Variants in POLR2B observed in about 807,000 individuals in gnomAD.
POLR2B encodes the protein RNA polymerase II subunit B, also known as DNA-directed RNA polymerase II subunit RPB2.
A neutral mutation model predicts 144.6 loss-of-function variants in POLR2B; 57 were observed. That is an observed-to-expected ratio of 0.39 (90% confidence interval 0.32 to 0.49). The LOEUF is 0.49. Among genes scored for constraint, POLR2B ranks in the 20% least tolerant of loss-of-function variants. POLR2B has a pLI of 0.83. For missense variants in POLR2B, 595 were observed against 1,467.4 expected (o/e 0.41, Z 9.71); for synonymous variants, 442 against 469.8 (o/e 0.94, Z 0.77).
intron 16 of POLR2B, among the ~76,000 whole-genome samples, chr4:57,020,666 A>G (rs866318074): frequency 9.9e-5 from 15 of 152,160 alleles, no homozygotes; most frequent in South Asian, 2.1e-4. Context: ...TACTATAAGA[A>G]TGGATACATT....
chr4:56,996,505 C>T (rs1046826094), intron 6 of POLR2B, among the ~76,000 whole-genome samples: 4 of 151,006 alleles, frequency 2.6e-5, no homozygotes, highest in Non-Finnish European at 3.0e-5. Flanking sequence ...AGGATGGTCT[C>T]GATCTCCTGA....
intron 1 of POLR2B, chr4:56,985,548 G>A: frequency 1.3e-6 from 1 of 781,026 alleles, no homozygotes; most frequent in South Asian, 5.8e-5. Context: ...TTACAGGCAT[G>A]TGCCACCCTG....
At chr4:57,014,504 CTT>C (rs773847681) in intron 13 of POLR2B, among the ~76,000 whole-genome samples, 7 of 66,630 alleles carry the variant, frequency 1.1e-4, no homozygotes, top group Non-Finnish European at 1.8e-4. Context: ...CTTTTTTTTT[CTT>C]TTTTTTTTTT....
intron 6 of POLR2B, 66 bp from the exon 7 acceptor site, chr4:56,999,551 C>T (rs1722793713): frequency 9.8e-7 from 1 of 1,019,064 alleles, no homozygotes; most frequent in South Asian, 1.6e-5. Context: ...AAATAGTTCT[C>T]TTGGTGTTTT....
chr4:57,028,471 A>G (rs1723794207), intron 23 of POLR2B, among the ~76,000 whole-genome samples: 1 of 152,182 alleles, frequency 6.6e-6, no homozygotes, highest in Admixed American at 6.6e-5. Flanking sequence ...AGGATATGAA[A>G]GAGATGTATA....
At chr4:56,992,291 C>T (rs1027700683) in intron 3 of POLR2B, among the ~76,000 whole-genome samples, 14 of 151,104 alleles carry the variant, frequency 9.3e-5, no homozygotes, top group Non-Finnish European at 1.5e-4. Context: ...GGTGAAACCC[C>T]GTCTCTACTA....
intron 13 of POLR2B, among the ~76,000 whole-genome samples, chr4:57,014,854 A>G (rs1046943930): frequency 1.3e-5 from 2 of 152,168 alleles, no homozygotes; most frequent in Non-Finnish European, 2.9e-5. Context: ...TTACATCAAC[A>G]TTCTATTAAT....
At chr4:56,991,791 G>A (rs1218868841) in intron 3 of POLR2B, among the ~76,000 whole-genome samples, 1 of 151,926 alleles carries the variant, frequency 6.6e-6, no homozygotes, top group Non-Finnish European at 1.5e-5. Context: ...TTTTTTACAG[G>A]GTCTATAGGT....
rs1300719147 is a variant in POLR2B, at chr4:57,017,074, G to T, written c.1987G>T (p.Glu663Ter). 6.2e-7 allele frequency: 1 copy of T among 1,611,584 alleles called. No individual in the cohort carries two copies. Among genetic ancestry groups the T allele is most frequent in the Non-Finnish European group, 8.5e-7 (1 of 1,179,034 alleles). ...GGATCTTGTGGCCAGTGGGGTAGTG[G>T]AGTATATTGATACCCTGGAAGAAGA... ...WQDLVASGVV[E>*]YIDTLEEETV... The change falls in exon 15 of 25, where the codon GAG (glutamate) becomes TAG (stop). Residue 663 changes from glutamate (E) to a stop codon, truncating the protein, a stop_gained. Coordinates refer to ENST00000314595, the MANE Select transcript of POLR2B (RefSeq NM_000938.3). LOFTEE classifies it high-confidence loss of function. This position sits in a 1 kb window ranked among gnomAD's most constrained non-coding sequence, Gnocchi z 4.8.
chr4:56,999,591 G>A, intron 6 of POLR2B, 26 bp from the exon 7 acceptor site: 1 of 1,533,636 alleles, frequency 6.5e-7, no homozygotes, highest in Non-Finnish European at 8.9e-7. Context: ...GTATATTCAT[G>A]TTCTAATGAT....
At chr4:56,992,764 G>A (rs930363783) in intron 3 of POLR2B, among the ~76,000 whole-genome samples, 16 of 151,188 alleles carry the variant, frequency 1.1e-4, no homozygotes, top group South Asian at 4.2e-4. Context: ...GGGTTTTGCC[G>A]TATTAGCCAG....
At chr4:56,980,116 G>C (rs1722110738) in intron 1 of POLR2B, among the ~76,000 whole-genome samples, 1 of 146,342 alleles carries the variant, frequency 6.8e-6, no homozygotes, top group African/African-American at 2.5e-5. Context: ...TTAAGAGATG[G>C]GGTCTGGCCA....
chr4:56,986,505 T>C, intron 2 of POLR2B, 79 bp downstream of exon 2: 1 of 798,708 alleles, frequency 1.3e-6, no homozygotes, highest in East Asian at 2.5e-5. Flanking sequence ...ATAGCTCTTC[T>C]ATATAAATAT....
rs1003644557 is a variant in POLR2B, at chr4:56,999,156, A to G, written c.736-461A>G. ...CCTCACAGACCAGCTCTGATTTAAT[A>G]TTTATTTTTTATTGTGTGCTTAGCT... On this transcript the variant is annotated intron_variant, in intron 6 of 24. Transcript: ENST00000314595. Among the ~76,000 whole-genome samples the G allele has an allele frequency of 4.8e-5, 7 of 146,170 alleles. No homozygotes were observed. The East Asian group carries it at 1.4e-3, about 29-fold the overall frequency.
At chr4:57,007,054 C>T (rs1465719092) in intron 10 of POLR2B, 52 bp downstream of exon 10, 3 of 1,189,020 alleles carry the variant, frequency 2.5e-6, no homozygotes, top group Admixed American at 2.2e-5. Context: ...GTTTATAGGA[C>T]TAGTAGATTC....
intron 6 of POLR2B, among the ~76,000 whole-genome samples, chr4:56,998,957 G>A (rs941169073): frequency 2.0e-5 from 3 of 152,140 alleles, no homozygotes; most frequent in South Asian, 2.1e-4. Context: ...GGAAGATAGA[G>A]TGAAATTAAT....
intron 1 of POLR2B, among the ~76,000 whole-genome samples, chr4:56,982,866 C>G (rs952317212): frequency 4.6e-5 from 7 of 152,194 alleles, no homozygotes; most frequent in African/African-American, 1.7e-4. Flanking sequence ...GTTGTACCCT[C>G]TGTTGTTGAA....
chr4:57,001,556 C>T (rs980309834), intron 7 of POLR2B, among the ~76,000 whole-genome samples: 5 of 152,142 alleles, frequency 3.3e-5, no homozygotes, highest in Admixed American at 6.6e-5. Flanking sequence ...ACATATTTCC[C>T]CATGATTAGA....
At chr4:57,020,066 G>A (rs116129517) in intron 16 of POLR2B, among the ~76,000 whole-genome samples, 1 of 152,034 alleles carries the variant, frequency 6.6e-6, no homozygotes, top group African/African-American at 2.4e-5. Context: ...ACGGATTCTC[G>A]CTCTGCCACC....
Sources: allele counts gnomAD v4.1 joint callset (sites outside exome capture counted in the v4.1 genomes callset), GRCh38; gene constraint gnomAD v4.1.1; non-coding constraint Gnocchi (gnomAD v3.1); transcripts MANE v1.5; gene names NCBI Gene and HGNC (gene_info 2026-07-23, HGNC 2026-07-21).